Variants in RAP1A observed in about 807,000 individuals in gnomAD.
RAP1A encodes RAP1A, member of RAS oncogene family.
Under a neutral mutation model 26.4 loss-of-function variants are expected in RAP1A, and 6 were observed. The ratio of observed to expected loss-of-function variants is 0.23; its 90% confidence interval spans 0.12 to 0.45. The LOEUF is 0.45. Ranked by LOEUF, RAP1A falls within the 20% of genes least tolerant of loss-of-function variation. RAP1A has a pLI of 0.99. For missense variants in RAP1A, 121 were observed against 217.2 expected, an observed-to-expected ratio of 0.56 and a Z score of 2.78; for synonymous variants, 73 against 79.4, an observed-to-expected ratio of 0.92 and a Z score of 0.43.
intron 1 of RAP1A, among the ~76,000 whole-genome samples, chr1:111,553,418 T>C (rs1657351997): frequency 6.6e-6 from 1 of 152,230 alleles, no homozygotes; most frequent in Non-Finnish European, 1.5e-5. Flanking sequence ...CTATGATTAA[T>C]AGAGTCGTTT....
chr1:111,557,358 C>T (rs1186845505), intron 1 of RAP1A, among the ~76,000 whole-genome samples: 2 of 152,044 alleles, frequency 1.3e-5, no homozygotes, highest in Non-Finnish European at 2.9e-5. Context: ...ACCATCCTGG[C>T]TAACACGGTG....
chr1:111,644,955 G>A (rs1660017754), intron 1 of RAP1A, among the ~76,000 whole-genome samples: 1 of 152,106 alleles, frequency 6.6e-6, no homozygotes, highest in Non-Finnish European at 1.5e-5. Context: ...TCCATAGTTG[G>A]TGGGAAAAGG....
intron 1 of RAP1A, among the ~76,000 whole-genome samples, chr1:111,558,352 ATTT>A (rs5777065): frequency 1.4e-5 from 2 of 144,996 alleles, no homozygotes; most frequent in Non-Finnish European, 1.5e-5. Flanking sequence ...TAATTTTTCT[ATTT>A]TTTTTTTTTT....
At chr1:111,709,979 G>T (rs1295064031) in intron 7 of RAP1A, among the ~76,000 whole-genome samples, 1 of 152,144 alleles carries the variant, frequency 6.6e-6, no homozygotes, top group Non-Finnish European at 1.5e-5. Flanking sequence ...ACATGTACAT[G>T]CATTTCTGTT....
chr1:111,664,321 C>G lies in RAP1A; in HGVS notation c.-27-27013C>G, dbSNP rs371944102. On this transcript the variant is annotated intron_variant, in intron 1 of 7. Coordinates refer to ENST00000369709, the MANE Select transcript of RAP1A (RefSeq NM_002884.4). Reference sequence around the variant, plus strand: ...CCAAGGAGGCGGAGGTTGTAGTAAGCTGAGATTGCGCAACTGCACTACAGC... The same window carrying G: ...CCAAGGAGGCGGAGGTTGTAGTAAGGTGAGATTGCGCAACTGCACTACAGC... 3.0e-5 allele frequency among the ~76,000 whole-genome samples: 4 copies of G among 131,654 alleles called. No individual in the cohort carries two copies. The East Asian group carries it at 7.7e-4, about 25-fold the overall frequency. The allele number at this position is 131,654 out of a possible 152,430, so 86.4% of individuals were successfully genotyped here.
chr1:111,562,006 T>C (rs1657760166), intron 1 of RAP1A, among the ~76,000 whole-genome samples: 1 of 152,116 alleles, frequency 6.6e-6, no homozygotes. Flanking sequence ...ATTCAAACCC[T>C]CCACACTCTG....
chr1:111,679,823 G>A (rs1309742046), intron 1 of RAP1A, among the ~76,000 whole-genome samples: 1 of 152,178 alleles, frequency 6.6e-6, no homozygotes, highest in Non-Finnish European at 1.5e-5. Flanking sequence ...AGCCACTGTA[G>A]CCAGACTGCC....
At chr1:111,677,102 A>T (rs1661152547) in intron 1 of RAP1A, among the ~76,000 whole-genome samples, 1 of 152,080 alleles carries the variant, frequency 6.6e-6, no homozygotes, top group African/African-American at 2.4e-5. Flanking sequence ...CCTTTTCTAG[A>T]TTTTTATAAA....
At chr1:111,560,112 G>A (rs1657669834) in intron 1 of RAP1A, among the ~76,000 whole-genome samples, 1 of 152,206 alleles carries the variant, frequency 6.6e-6, no homozygotes, top group East Asian at 1.9e-4. Context: ...GAAGCTCAGA[G>A]ATTACAATAT....
At chr1:111,581,070 C>CTTTTTTTTTTTTTTTTTTTTTG (rs1262794420) in intron 1 of RAP1A, among the ~76,000 whole-genome samples, 2 of 99,216 alleles carry the variant, frequency 2.0e-5, no homozygotes. Flanking sequence ...TGCTATTTCT[C>CTTTTTTTTTTTTTTTTTTTTTG]AGTGGGAGCT....
intron 1 of RAP1A, among the ~76,000 whole-genome samples, chr1:111,630,374 A>G (rs183065367): frequency 1.1e-3 from 164 of 152,310 alleles, no homozygotes; most frequent in Non-Finnish European, 2.5e-4. Context: ...TAGTCGTCCA[A>G]CATGTATTTA....
At chr1:111,656,101 A>G (rs956467617) in intron 1 of RAP1A, among the ~76,000 whole-genome samples, 1 of 152,200 alleles carries the variant, frequency 6.6e-6, no homozygotes, top group African/African-American at 2.4e-5. Context: ...ATTATCTGTA[A>G]TAATAGAAAA....
chr1:111,546,224 T>A (rs1657029612), intron 1 of RAP1A, among the ~76,000 whole-genome samples: 1 of 152,192 alleles, frequency 6.6e-6, no homozygotes, highest in South Asian at 2.1e-4. Context: ...AGTACTGCCA[T>A]CATTTTTTCC....
chr1:111,564,071 G>A, intron 1 of RAP1A: 1 of 708,022 alleles, frequency 1.4e-6, no homozygotes, highest in South Asian at 1.6e-5. Context: ...GTAGAGAATT[G>A]GACATACTCA....
chr1:111,613,643 TAA>T (rs1251815359), intron 1 of RAP1A, among the ~76,000 whole-genome samples: 1 of 152,226 alleles, frequency 6.6e-6, no homozygotes, highest in Non-Finnish European at 1.5e-5. Flanking sequence ...ATACCTCATG[TAA>T]CCAACCATAA....
Position 111,716,030 on chromosome 1 carries a change from G to A in RAP1A, c.*3629G>A, listed in dbSNP as rs1662531817. On this transcript the variant is annotated 3_prime_UTR_variant, in exon 8 of 8. Coordinates refer to ENST00000369709, the MANE Select transcript of RAP1A (RefSeq NM_002884.4). The stretch of plus-strand genomic sequence containing the variant: ...AAATATACTCTTATAAATTGTATGT[G>A]TGTTGAAACCAAAGTGTGAAGAAAT... 6.6e-6 allele frequency: 1 copy of A among 152,250 alleles called. No homozygotes were observed. The highest frequency in any genetic ancestry group is 1.5e-5 in the Non-Finnish European group (1 of 68,042). 9.4% of individuals were successfully genotyped at this position (152,250 alleles called of 1,614,324 possible).
At chr1:111,551,280 G>A (rs1397246080) in intron 1 of RAP1A, among the ~76,000 whole-genome samples, 1 of 152,012 alleles carries the variant, frequency 6.6e-6, no homozygotes, top group Non-Finnish European at 1.5e-5. Flanking sequence ...ATTTTGCTAT[G>A]TATTATGTAT....
intron 1 of RAP1A, among the ~76,000 whole-genome samples, chr1:111,596,385 G>A (rs1011325551): frequency 2.6e-5 from 4 of 152,194 alleles, no homozygotes; most frequent in Admixed American, 2.6e-4. Context: ...TTGGGACATA[G>A]TATGGTTGAT....
At chr1:111,598,669 C>T (rs1658604822) in intron 1 of RAP1A, among the ~76,000 whole-genome samples, 1 of 152,134 alleles carries the variant, frequency 6.6e-6, no homozygotes, top group South Asian at 2.1e-4. Context: ...GAACAGAAGT[C>T]TGTGTGACCA....
Sources: gnomAD v4.1 joint callset for allele counts (sites outside exome capture counted in the v4.1 genomes callset) on GRCh38, gnomAD v4.1.1 for gene constraint, MANE v1.5 for transcripts, NCBI Gene and HGNC (gene_info 2026-07-23, HGNC 2026-07-21) for gene names.